The following CRYBG1 variants were observed in gnomAD, a reference collection of about 807,000 sequenced individuals.
The protein encoded by CRYBG1 is beta/gamma crystallin domain-containing protein 1.
A neutral mutation model predicts 189.2 loss-of-function variants in CRYBG1; 139 were observed. That is an observed-to-expected ratio of 0.73 (90% CI 0.64 to 0.85). CRYBG1 has a LOEUF of 0.85. Among genes scored for constraint, CRYBG1 ranks in the 40% least tolerant of loss-of-function variants. CRYBG1 has a pLI of 0.00. For synonymous variants in CRYBG1, 1,023 were observed against 1,017.1 expected (o/e 1.01, Z -0.11); for missense variants, 2,611 against 2,675.8 (o/e 0.98, Z 0.53).
At chr6:106,567,852 G>A (rs1331586770) in intron 21 of CRYBG1, among the ~76,000 whole-genome samples, 2 of 152,054 alleles carry the variant, frequency 1.3e-5, no homozygotes, top group African/African-American at 2.4e-5. Context: ...TTACAATACT[G>A]TGGTACTCAG....
intron 2 of CRYBG1, among the ~76,000 whole-genome samples, chr6:106,489,543 G>T (rs1445117631): frequency 6.6e-6 from 1 of 151,700 alleles, no homozygotes; most frequent in Non-Finnish European, 1.5e-5. Context: ...CATTGGCCAG[G>T]CACAGTGGCT....
intron 6 of CRYBG1, among the ~76,000 whole-genome samples, chr6:106,526,327 G>A (rs1001408674): frequency 1.3e-5 from 2 of 152,126 alleles, no homozygotes; most frequent in African/African-American, 4.8e-5. Flanking sequence ...GAAGACAAAT[G>A]CTATTTTAAT....
In CRYBG1 at chr6:106,361,094, C is replaced by T; in HGVS notation, c.173+13C>T. 6.5e-7 allele frequency: 1 copy of T among 1,533,710 alleles called. No individual in the cohort carries two copies. The highest frequency in any genetic ancestry group is 8.7e-7 in the Non-Finnish European group (1 of 1,145,960). The stretch of plus-strand genomic sequence containing the variant: ...CCGGAGAGGCCAGGTGAGCTCCTCG[C>T]CCGAGCCCTCCAGTCCCACCTCCTC... On this transcript the variant is annotated intron_variant, in intron 1 of 21. Transcript: ENST00000633556.
At chr6:106,440,465 C>CTATGTTG (rs1771547900) in intron 1 of CRYBG1, among the ~76,000 whole-genome samples, 1 of 152,132 alleles carries the variant, frequency 6.6e-6, no homozygotes, top group African/African-American at 2.4e-5. Context: ...CAGGGTTTCA[C>CTATGTTG]TATGTTGCCC....
intron 2 of CRYBG1, among the ~76,000 whole-genome samples, chr6:106,467,280 T>C (rs554702937): frequency 6.6e-6 from 1 of 151,866 alleles, no homozygotes; most frequent in African/African-American, 2.4e-5. Flanking sequence ...ATGAGCAACA[T>C]GCTGATTTTG....
chr6:106,541,908 T>A (rs111919090), intron 10 of CRYBG1, among the ~76,000 whole-genome samples: 1 of 152,312 alleles, frequency 6.6e-6, no homozygotes, highest in African/African-American at 2.4e-5. Context: ...AATTTGCAGT[T>A]GTATTTACTA....
At chr6:106,379,889 C>A (rs1251246265) in intron 1 of CRYBG1, among the ~76,000 whole-genome samples, 1 of 152,162 alleles carries the variant, frequency 6.6e-6, no homozygotes, top group Non-Finnish European at 1.5e-5. Context: ...ATGATTTTTA[C>A]ATTCTAATTA....
intron 1 of CRYBG1, among the ~76,000 whole-genome samples, chr6:106,448,888 T>A (rs1298497905): frequency 1.3e-5 from 2 of 152,122 alleles, no homozygotes; most frequent in African/African-American, 4.8e-5. Flanking sequence ...AGAGGAGATT[T>A]CCCCCACTTC....
In CRYBG1 at chr6:106,512,116, C is replaced by T; in HGVS notation, c.999C>T (p.Ser333=). 2 of 1,534,382 alleles carry T rather than the reference C, an allele frequency of 1.3e-6. No individual in the cohort carries two copies. The highest frequency in any genetic ancestry group is 1.7e-6 in the Non-Finnish European group (2 of 1,146,052). ...EGSLGPRNAR[S]QPPKGASDLP... is the part of the protein sequence containing the mutation. The stretch of plus-strand genomic sequence containing the variant: ...CCCTGGGGCCCCGCAACGCCCGCAG[C>T]CAGCCCCCCAAGGGCGCGTCTGATT... Residue 333 remains serine, a synonymous_variant, in exon 3 of 22, where the codon AGC becomes AGT. Coordinates refer to ENST00000633556, the MANE Select transcript of CRYBG1 (RefSeq NM_001371242.2).
At chr6:106,397,420 A>G (rs1455580279) in intron 1 of CRYBG1, among the ~76,000 whole-genome samples, 2 of 152,234 alleles carry the variant, frequency 1.3e-5, no homozygotes, top group African/African-American at 4.8e-5. Flanking sequence ...GTGTGACTAT[A>G]GACTCAAAGA....
At position 106,512,191 on chromosome 6, in the gene CRYBG1, G is replaced by T. The variant is rs1213922866; in HGVS notation, c.1074G>T (p.Ala358=). The T allele has an allele frequency of 1.3e-6, 2 of 1,535,560 alleles. No individual in the cohort carries two copies. Among genetic ancestry groups the T allele is most frequent in the East Asian group, 2.4e-5 (1 of 40,882 alleles). The change falls in exon 3 of 22, where the codon GCG becomes GCT. Residue 358 remains alanine, a synonymous_variant. Transcript: ENST00000633556. ...GCGCAGCGCACACGGCCAGCTCCGC[G>T]CAGGCAGACTGCACAGCCCGCCCCA... ...AEGAAHTASS[A]QADCTARPKG...
At chr6:106,365,932 A>G (rs1257531270) in intron 1 of CRYBG1, among the ~76,000 whole-genome samples, 1 of 152,184 alleles carries the variant, frequency 6.6e-6, no homozygotes, top group Non-Finnish European at 1.5e-5. Flanking sequence ...CTCAAGTTTC[A>G]GAACTATAGA....
chr6:106,478,803 C>T (rs773647752), intron 2 of CRYBG1, among the ~76,000 whole-genome samples: 1 of 152,204 alleles, frequency 6.6e-6, no homozygotes, highest in Non-Finnish European at 1.5e-5. Context: ...TCAGTGGCGG[C>T]ATTAGATTCT....
chr6:106,489,330 G>A (rs896557380), intron 2 of CRYBG1, among the ~76,000 whole-genome samples: 3 of 151,906 alleles, frequency 2.0e-5, no homozygotes, highest in African/African-American at 7.3e-5. Context: ...TGAAAGCCAG[G>A]CAACTCTAGT....
rs575017943 is a variant in CRYBG1, at chr6:106,527,391, T to C, written c.4499T>C (p.Ile1500Thr). 248 of 1,613,136 alleles carry C rather than the reference T, an allele frequency of 1.5e-4. 1 individual carries two copies. In the South Asian group the frequency reaches 2.6e-3, roughly 17 times the overall value. ...GELELSGLWG[I>T]EDILERHEEA... The stretch of plus-strand genomic sequence containing the variant: ...TTGGAACTCTCTGGTCTCTGGGGTA[T>C]AGAAGACATTTTGGAAAGGCACGAA... Residue 1500 changes from isoleucine to threonine, a missense_variant, in exon 7 of 22, where the codon ATA (isoleucine) becomes ACA (threonine). This residue lies in a region of CRYBG1 where 1,622 missense variants were observed against 1,735.0 expected (regional missense o/e 0.93). Coordinates refer to ENST00000633556, the MANE Select transcript of CRYBG1 (RefSeq NM_001371242.2).
intron 2 of CRYBG1, among the ~76,000 whole-genome samples, chr6:106,468,620 A>G (rs10046438): frequency 0.084 from 12,837 of 152,160 alleles, 711 homozygotes; most frequent in East Asian, 0.22. Flanking sequence ...AACCCACTAG[A>G]TGGAGGCTGC....
intron 1 of CRYBG1, among the ~76,000 whole-genome samples, chr6:106,423,515 G>A (rs1333819657): frequency 6.6e-6 from 1 of 151,896 alleles, no homozygotes; most frequent in Non-Finnish European, 1.5e-5. Context: ...TAACATTTAT[G>A]CTATTTATGT....
At chr6:106,377,854 T>C (rs1032911904) in intron 1 of CRYBG1, among the ~76,000 whole-genome samples, 6 of 152,012 alleles carry the variant, frequency 3.9e-5, no homozygotes, top group Non-Finnish European at 7.4e-5. Context: ...CCAATGACCA[T>C]TGATGGCAGA....
At chr6:106,475,690 A>C (rs1772320623) in intron 2 of CRYBG1, among the ~76,000 whole-genome samples, 1 of 152,216 alleles carries the variant, frequency 6.6e-6, no homozygotes, top group Non-Finnish European at 1.5e-5. Context: ...TATCCTGAAG[A>C]AAGTGGATAG....
Sources: gnomAD v4.1 joint callset for allele counts (sites outside exome capture counted in the v4.1 genomes callset) on GRCh38, gnomAD v4.1.1 for gene constraint, gnomAD v4.1.1 regional missense constraint, MANE v1.5 for transcripts, NCBI Gene and HGNC (gene_info 2026-07-23, HGNC 2026-07-21) for gene names.